The following CELF2 variants were observed in gnomAD, a reference collection of about 807,000 sequenced individuals.
CELF2 encodes CUG triplet repeat RNA-binding protein 2.
Under a neutral mutation model 62.6 loss-of-function variants are expected in CELF2, and 8 were observed. The ratio of observed to expected loss-of-function variants is 0.13; its 90% CI spans 0.07 to 0.23. The LOEUF (loss-of-function observed/expected upper bound fraction) is 0.23, where lower values mean the gene tolerates loss of function less well. Among genes scored for constraint, CELF2 ranks in the 10% least tolerant of loss-of-function variants. The pLI is 1.00. For synonymous variants in CELF2, 258 were observed against 250.0 expected (o/e 1.03, Z -0.30); for missense variants, 333 against 671.0 (o/e 0.50, Z 5.56).
rs764081082 is a variant in CELF2 at position 10,936,410 on chromosome 10, C to G, written c.89+16411C>G. ...TATCTAGAATCCTAGAACCTTAGAG[C>G]TCCATGGAACCTGTTTTGCATCGTC... On this transcript the variant is annotated intron_variant, in intron 2 of 13. Transcript: ENST00000636488. This position sits in a 1 kb window ranked among gnomAD's most constrained non-coding sequence, Gnocchi z 4.0. Among the ~76,000 whole-genome samples, 3 of 152,130 alleles carry G rather than the reference C, an allele frequency of 2.0e-5. No homozygotes were observed. The highest frequency in any genetic ancestry group is 4.4e-5 in the Non-Finnish European group (3 of 68,042).
chr10:10,988,353 T>A (rs1175332722), intron 2 of CELF2, among the ~76,000 whole-genome samples: 1 of 151,714 alleles, frequency 6.6e-6, no homozygotes, highest in East Asian at 1.9e-4. Flanking sequence ...AACGAAATAA[T>A]GTCTTTTACA....
chr10:10,517,635 G>C, the CELF2 span, among the ~76,000 whole-genome samples: 1 of 152,128 alleles, frequency 6.6e-6, no homozygotes, highest in Non-Finnish European at 1.5e-5. Flanking sequence ...GTCTTAGGAG[G>C]CAATTTTCCC....
In CELF2 at chr10:10,936,561, C is replaced by T. The variant is rs2135328317; in HGVS notation, c.89+16562C>T. ...GGTGGATGGAGTCCAGTTATCATTG[C>T]AGGGCCTGTTCTTGGGGCAGAAGAG... On this transcript the variant is annotated intron_variant, in intron 2 of 13. Transcript: ENST00000636488. The surrounding 1 kb of genome is among the most constrained non-coding windows in gnomAD (Gnocchi z 4.0). 1 of 152,320 alleles carries T rather than the reference C, an allele frequency of 6.6e-6. No homozygotes were observed. The highest frequency in any genetic ancestry group is 1.9e-4 in the East Asian group (1 of 5,188). 9.4% of individuals were successfully genotyped at this position (152,320 alleles called of 1,614,324 possible). A position where few individuals can be genotyped will look rare whatever the true frequency, so the allele number is the denominator to read the frequency against.
chr10:11,063,362 G>A (rs975869870), intron 1 of CELF2, among the ~76,000 whole-genome samples: 6 of 152,162 alleles, frequency 3.9e-5, no homozygotes, highest in African/African-American at 7.2e-5. Flanking sequence ...ATGGTCAGGC[G>A]ACTACTACCA....
At chr10:10,469,239 A>G in the CELF2 span, among the ~76,000 whole-genome samples, 1 of 152,092 alleles carries the variant, frequency 6.6e-6, no homozygotes, top group East Asian at 1.9e-4. Context: ...AGGATTTTCT[A>G]AATACACCAT....
intron 2 of CELF2, among the ~76,000 whole-genome samples, chr10:10,948,898 C>T (rs1052419336): frequency 6.6e-6 from 1 of 152,130 alleles, no homozygotes; most frequent in African/African-American, 2.4e-5. Flanking sequence ...TGCAAAAACG[C>T]TTACCTGTCT....
chr10:11,190,463 TTC>T (rs2076026825), intron 2 of CELF2, among the ~76,000 whole-genome samples: 1 of 152,168 alleles, frequency 6.6e-6, no homozygotes, highest in Non-Finnish European at 1.5e-5. Context: ...AACTGCCCTT[TTC>T]TCTTTGAAAA....
chr10:11,259,496 T>C (rs2079826975), intron 5 of CELF2, among the ~76,000 whole-genome samples: 1 of 151,862 alleles, frequency 6.6e-6, no homozygotes, highest in African/African-American at 2.4e-5. Flanking sequence ...TGAAATTTTG[T>C]TATATAACAC....
intron 1 of CELF2, among the ~76,000 whole-genome samples, chr10:11,112,844 A>T (rs891787264): frequency 6.6e-6 from 1 of 152,112 alleles, no homozygotes; most frequent in African/African-American, 2.4e-5. Flanking sequence ...CGTAGCCCAT[A>T]TCCGAAGCTT....
At chr10:11,154,411 T>C (rs1196784234) in intron 1 of CELF2, among the ~76,000 whole-genome samples, 1 of 152,256 alleles carries the variant, frequency 6.6e-6, no homozygotes, top group Non-Finnish European at 1.5e-5. Flanking sequence ...CGAAGTAGAA[T>C]GTCATTTGGC....
At chr10:10,688,580 A>G in the CELF2 span, among the ~76,000 whole-genome samples, 1 of 152,220 alleles carries the variant, frequency 6.6e-6, no homozygotes, top group Non-Finnish European at 1.5e-5. Context: ...ACCTCAATGC[A>G]TTACTCCTTG....
At chr10:11,231,792 C>A (rs1166182943) in intron 3 of CELF2, among the ~76,000 whole-genome samples, 1 of 150,092 alleles carries the variant, frequency 6.7e-6, no homozygotes, top group Admixed American at 6.6e-5. Flanking sequence ...ATGAGGTCAA[C>A]TGAACCTGAT....
the CELF2 span, among the ~76,000 whole-genome samples, chr10:10,642,709 T>C: frequency 6.6e-6 from 1 of 152,242 alleles, no homozygotes; most frequent in Admixed American, 6.5e-5. Flanking sequence ...CCCCTAAAAA[T>C]AGCAAAAGGA....
chr10:10,926,251 G>A (rs2065445519), intron 2 of CELF2, among the ~76,000 whole-genome samples: 1 of 152,160 alleles, frequency 6.6e-6, no homozygotes, highest in Non-Finnish European at 1.5e-5. Flanking sequence ...GAGGTGGTGA[G>A]GTCATGAGGG....
the CELF2 span, among the ~76,000 whole-genome samples, chr10:10,766,524 G>C: frequency 3.3e-5 from 5 of 152,214 alleles, no homozygotes; most frequent in Non-Finnish European, 7.3e-5. Flanking sequence ...CCTGCCACTA[G>C]TGTCTGAGTG....
intron 1 of CELF2, among the ~76,000 whole-genome samples, chr10:10,832,156 C>A (rs540924347): frequency 1.4e-5 from 2 of 140,384 alleles, no homozygotes; most frequent in African/African-American, 5.3e-5. Context: ...TAGTCCCAGC[C>A]AGTCAGGAGG....
At position 11,057,076 on chromosome 10, in the gene CELF2, G is replaced by T. The variant is rs548223597; in HGVS notation, c.74+38913G>T. Among the ~76,000 whole-genome samples the T allele has an allele frequency of 3.9e-5, 6 of 152,326 alleles. No individual in the cohort carries two copies. In the East Asian group the frequency reaches 9.6e-4, roughly 24 times the overall value. On this transcript the variant is annotated intron_variant, in intron 1 of 12. Transcript: ENST00000633077. Reference sequence around the variant, plus strand: ...GCTGGGGCAATTAGTGAGCAGCCGTGCCTGGAGGCCCTGGTACCATCTGTG... The same window carrying T: ...GCTGGGGCAATTAGTGAGCAGCCGTTCCTGGAGGCCCTGGTACCATCTGTG...
the CELF2 span, among the ~76,000 whole-genome samples, chr10:10,536,048 T>A: frequency 7.1e-6 from 1 of 140,204 alleles, no homozygotes; most frequent in East Asian, 2.1e-4. Context: ...TGAGACAGAG[T>A]CTTGCTCTGT....
rs186555810 is a variant in CELF2, at chr10:11,247,959, A to G, written c.355-1194A>G. 1.3e-5 allele frequency among the ~76,000 whole-genome samples: 2 copies of G among 152,178 alleles called. No homozygotes were observed. Among genetic ancestry groups the G allele is most frequent in the Admixed American group, 1.3e-4 (2 of 15,294 alleles). ...CCCAGGCCGGCATTAGGTGCACGTG[A>G]TCCTGACTGCCTGATGATAATTTCC... On this transcript the variant is annotated intron_variant, in intron 3 of 12. Transcript: ENST00000633077. The surrounding 1 kb of genome is among the most constrained non-coding windows in gnomAD (Gnocchi z 5.4).
Sources: gnomAD v4.1 joint callset for allele counts (sites outside exome capture counted in the v4.1 genomes callset) on GRCh38, gnomAD v4.1.1 for gene constraint, Gnocchi (gnomAD v3.1) non-coding constraint, MANE v1.5 for transcripts, NCBI Gene and HGNC (gene_info 2026-07-23, HGNC 2026-07-21) for gene names.